ATP8B4: variants seen among roughly 807,000 people sequenced by gnomAD.
ATP8B4 encodes probable phospholipid-transporting ATPase IM.
Under a neutral mutation model 145.6 loss-of-function variants are expected in ATP8B4, and 133 were observed. The observed-to-expected ratio is 0.91, with a 90% CI of 0.79 to 1.05. The LOEUF (loss-of-function observed/expected upper bound fraction) is 1.05. Among genes scored for constraint, ATP8B4 ranks in the 50% least tolerant of loss-of-function variants. The pLI, the probability that ATP8B4 is intolerant of heterozygous loss-of-function variation, is 0.00. For synonymous variants in ATP8B4, 507 were observed against 492.9 expected (o/e 1.03, Z -0.38); for missense variants, 1,458 against 1,425.2 (o/e 1.02, Z -0.37).
intron 20 of ATP8B4, 83 bp from the exon 21 acceptor site, chr15:49,901,322 T>C: frequency 1.4e-6 from 2 of 1,394,474 alleles, no homozygotes; most frequent in Non-Finnish European, 2.0e-6. Flanking sequence ...TGCCTAGAGG[T>C]AAATTTATTT....
chr15:50,110,581 G>C (rs1454591330), intron 1 of ATP8B4, among the ~76,000 whole-genome samples: 1 of 152,186 alleles, frequency 6.6e-6, no homozygotes, highest in African/African-American at 2.4e-5. Context: ...CAGGAACTTA[G>C]GATTTTGAAA....
At chr15:50,150,013 A>C (rs2044326712) in intron 1 of ATP8B4, among the ~76,000 whole-genome samples, 2 of 152,104 alleles carry the variant, frequency 1.3e-5, no homozygotes, top group Non-Finnish European at 2.9e-5. Flanking sequence ...AGGCAGGAGA[A>C]TCGCTTGAAC....
chr15:49,986,957 C>T (rs1394366143), intron 10 of ATP8B4, among the ~76,000 whole-genome samples: 2 of 141,686 alleles, frequency 1.4e-5, no homozygotes, highest in Non-Finnish European at 3.0e-5. Context: ...GAAATGATTA[C>T]AGGATCAAGA....
At chr15:49,908,702 G>A (rs1003706680) in intron 20 of ATP8B4, among the ~76,000 whole-genome samples, 1 of 151,982 alleles carries the variant, frequency 6.6e-6, no homozygotes, top group African/African-American at 2.4e-5. Flanking sequence ...CTGCCTGAGG[G>A]CCCAACAGTA....
chr15:50,095,929 T>C (rs2055952919), intron 2 of ATP8B4, among the ~76,000 whole-genome samples: 1 of 152,212 alleles, frequency 6.6e-6, no homozygotes, highest in Non-Finnish European at 1.5e-5. Context: ...GGTTTTCTTA[T>C]TCTGTGCAAT....
intron 6 of ATP8B4, among the ~76,000 whole-genome samples, chr15:50,013,458 A>ACCT (rs774800266): frequency 2.0e-5 from 3 of 152,144 alleles, no homozygotes; most frequent in Admixed American, 6.6e-5. Context: ...AAAAGAAAGG[A>ACCT]GAAGTTATAA....
intron 12 of ATP8B4, among the ~76,000 whole-genome samples, chr15:49,973,564 T>C (rs1171761794): frequency 2.6e-5 from 4 of 152,222 alleles, no homozygotes; most frequent in Admixed American, 1.3e-4. Context: ...ACAGGATGTG[T>C]TGTCATACCA....
intron 1 of ATP8B4, among the ~76,000 whole-genome samples, chr15:50,157,989 G>A (rs559980405): frequency 0.014 from 2,111 of 152,316 alleles, 50 homozygotes; most frequent in African/African-American, 0.048. Context: ...GCTCCTAACC[G>A]CAAGTGATCC....
intron 2 of ATP8B4, among the ~76,000 whole-genome samples, chr15:50,078,321 C>A (rs2054319178): frequency 6.6e-6 from 1 of 151,740 alleles, no homozygotes; most frequent in Non-Finnish European, 1.5e-5. Flanking sequence ...GCTGGGACTG[C>A]AAGCATGAGC....
intron 1 of ATP8B4, among the ~76,000 whole-genome samples, chr15:50,129,790 A>C (rs186871825): frequency 2.6e-5 from 4 of 152,176 alleles, no homozygotes; most frequent in Non-Finnish European, 4.4e-5. Context: ...GCTACTAAAA[A>C]TACAAAAATT....
Position 50,155,717 on chromosome 15 carries a change from A to T in ATP8B4, c.-43+26544T>A, listed in dbSNP as rs369328848. Among the ~76,000 whole-genome samples, 9 of 152,238 alleles carry T rather than the reference A, an allele frequency of 5.9e-5. 1 individual carries two copies. In the East Asian group the frequency reaches 9.6e-4, roughly 16 times the overall value. On this transcript the variant is annotated intron_variant, in intron 1 of 3. Coordinates refer to the ATP8B4 transcript ENST00000558829. ...TATGTACATATGCATAAATATACTT[A>T]AACATGTATACACACACAAAGATCT...
chr15:50,153,167 C>G (rs556571944), intron 1 of ATP8B4, among the ~76,000 whole-genome samples: 150 of 152,176 alleles, frequency 9.9e-4, no homozygotes, highest in African/African-American at 3.5e-3. Flanking sequence ...CAAGAAAAGC[C>G]AAGAGTATGG....
At chr15:49,944,495 G>A (rs1480650618) in intron 14 of ATP8B4, among the ~76,000 whole-genome samples, 2 of 152,044 alleles carry the variant, frequency 1.3e-5, no homozygotes, top group Non-Finnish European at 2.9e-5. Flanking sequence ...TCATAAAAGG[G>A]TCAATCCACC....
intron 3 of ATP8B4, among the ~76,000 whole-genome samples, chr15:50,067,246 T>TA (rs1301630355): frequency 2.0e-5 from 3 of 152,198 alleles, no homozygotes; most frequent in Non-Finnish European, 4.4e-5. Flanking sequence ...GGATTTGGCC[T>TA]ATTTTATATG....
In ATP8B4 at chr15:49,876,652, A is replaced by G. The variant is rs1360353801; in HGVS notation, c.2782-129T>C. 5 of 1,237,288 alleles carry G rather than the reference A, an allele frequency of 4.0e-6. No homozygotes were observed. The East Asian group carries it at 1.2e-4, about 30-fold the overall frequency. 76.6% of individuals were successfully genotyped at this position (1,237,288 alleles called of 1,614,324 possible). ...AAAATGCACTACTCACTGGGCCAGA[A>G]CAGGACATTATCTTGTTTGTATTCC... is the stretch of plus-strand genomic sequence containing the variant. On this transcript the variant is annotated intron_variant, in intron 24 of 27. Coordinates refer to ENST00000284509, the MANE Select transcript of ATP8B4 (RefSeq NM_024837.4).
intron 7 of ATP8B4, among the ~76,000 whole-genome samples, chr15:50,004,690 T>C (rs1158915166): frequency 1.3e-5 from 2 of 152,160 alleles, no homozygotes; most frequent in Non-Finnish European, 2.9e-5. Flanking sequence ...TATCTCCACT[T>C]TACAGATGAG....
intron 3 of ATP8B4, among the ~76,000 whole-genome samples, chr15:50,067,205 G>A (rs573443847): frequency 2.8e-4 from 43 of 152,106 alleles, no homozygotes; most frequent in East Asian, 1.4e-3. Flanking sequence ...CCCAACTTAC[G>A]TTCTGTGTTA....
chr15:49,879,335 TA>T, intron 24 of ATP8B4, 40 bp downstream of exon 24: 1 of 1,541,684 alleles, frequency 6.5e-7, no homozygotes, highest in Non-Finnish European at 8.9e-7. Context: ...CTAAAAGGCA[TA>T]AAAGAGAAAC....
intron 20 of ATP8B4, among the ~76,000 whole-genome samples, chr15:49,908,740 A>G (rs1039097637): frequency 6.6e-6 from 1 of 152,116 alleles, no homozygotes; most frequent in African/African-American, 2.4e-5. Context: ...CTGGAGCTCC[A>G]CTGACATTCC....
Sources: gnomAD v4.1 joint callset for allele counts (sites outside exome capture counted in the v4.1 genomes callset) on GRCh38, gnomAD v4.1.1 for gene constraint, MANE v1.5 for transcripts, NCBI Gene and HGNC (gene_info 2026-07-23, HGNC 2026-07-21) for gene names.